The following AVL9 variants were observed in gnomAD, a reference collection of about 807,000 sequenced individuals.
AVL9 encodes the protein AVL9 cell migration associated, also known as late secretory pathway protein AVL9 homolog.
Under a neutral mutation model 79.2 loss-of-function variants are expected in AVL9, and 49 were observed. The ratio of observed to expected loss-of-function variants is 0.62; its 90% CI spans 0.49 to 0.79. The LOEUF is 0.79. Among genes scored for constraint, AVL9 ranks in the 30% least tolerant of loss-of-function variants. The pLI is 0.00. For synonymous variants in AVL9, 299 were observed against 280.6 expected (o/e 1.07, Z -0.65); for missense variants, 682 against 776.8 (o/e 0.88, Z 1.45).
At chr7:32,524,074 C>A (rs564817321) in intron 1 of AVL9, among the ~76,000 whole-genome samples, 2 of 151,066 alleles carry the variant, frequency 1.3e-5, no homozygotes, top group South Asian at 2.1e-4. Flanking sequence ...GTCTCAAACT[C>A]CTAACTTCAA....
chr7:32,503,445 C>G (rs1192787512), intron 1 of AVL9, among the ~76,000 whole-genome samples: 1 of 145,214 alleles, frequency 6.9e-6, no homozygotes. Flanking sequence ...GTAGTCCCAG[C>G]TACTCGGGAG....
At chr7:32,529,702 A>G (rs757800781) in intron 1 of AVL9, among the ~76,000 whole-genome samples, 4 of 152,172 alleles carry the variant, frequency 2.6e-5, no homozygotes, top group Non-Finnish European at 5.9e-5. Context: ...ATTTTTAAGC[A>G]TTTTCTTAAA....
intron 1 of AVL9, among the ~76,000 whole-genome samples, chr7:32,514,841 T>C (rs562846416): frequency 6.6e-6 from 1 of 152,308 alleles, no homozygotes; most frequent in South Asian, 2.1e-4. Context: ...ACTGACTCTC[T>C]TTTCGGACTC....
chr7:32,524,164 G>T (rs1788299510), intron 1 of AVL9, among the ~76,000 whole-genome samples: 2 of 151,964 alleles, frequency 1.3e-5, no homozygotes, highest in Non-Finnish European at 2.9e-5. Context: ...TGAAATTTGA[G>T]ATGTTTAAAC....
rs1554348047 is a variant in AVL9, at chr7:32,579,472, T to TA, written c.1689-747_1689-746insA. Among the ~76,000 whole-genome samples, 8 of 4,924 alleles carry TA rather than the reference T, an allele frequency of 1.6e-3. 1 individual carries two copies. The highest frequency in any genetic ancestry group is 8.9e-3 in the East Asian group (2 of 224). 3.2% of individuals were successfully genotyped at this position (4,924 alleles called of 152,430 possible). On this transcript the variant is annotated intron_variant, in intron 13 of 15. Transcript: ENST00000318709. ...TATATTATATATTATATATAATATATTATATTATATATAATATATTACATA... is the reference window on the plus strand; with the variant it reads ...TATATTATATATTATATATAATATATATATATTATATATAATATATTACATA...
At chr7:32,559,685 A>G (rs1347581723) in intron 10 of AVL9, among the ~76,000 whole-genome samples, 1 of 152,194 alleles carries the variant, frequency 6.6e-6, no homozygotes. Flanking sequence ...TTTGAAACTT[A>G]GTAGATATGA....
intron 15 of AVL9, among the ~76,000 whole-genome samples, chr7:32,582,898 T>C (rs1791577903): frequency 6.6e-6 from 1 of 152,180 alleles, no homozygotes; most frequent in African/African-American, 2.4e-5. Flanking sequence ...TTTCCCAGGC[T>C]GTCTCGAATT....
chr7:32,509,259 C>G (rs961687659), intron 1 of AVL9, among the ~76,000 whole-genome samples: 2 of 152,058 alleles, frequency 1.3e-5, no homozygotes, highest in East Asian at 3.9e-4. Context: ...TGGCAAGATT[C>G]TGGAATTCTA....
At chr7:32,521,256 C>G in intron 1 of AVL9, among the ~76,000 whole-genome samples, 1 of 152,166 alleles carries the variant, frequency 6.6e-6, no homozygotes, top group East Asian at 1.9e-4. Context: ...GAGGTTGGAA[C>G]AGTTTGGAGG....
intron 3 of AVL9, among the ~76,000 whole-genome samples, chr7:32,546,695 C>T (rs751029322): frequency 2.0e-5 from 3 of 151,894 alleles, no homozygotes; most frequent in East Asian, 1.9e-4. Context: ...TGGCAGCGCA[C>T]GCCTGTAGTC....
chr7:32,503,359 GAGAT>G lies in AVL9; in HGVS notation c.93+7559_93+7562del, dbSNP rs199588358. Among the ~76,000 whole-genome samples the G allele has an allele frequency of 6.1e-3, 542 of 88,394 alleles. 10 individuals carry two copies. The highest frequency in any genetic ancestry group is 0.024 in the African/African-American group (517 of 21,802). The allele number at this position is 88,394 out of a possible 152,430, so 58.0% of individuals were successfully genotyped here. A position where few individuals can be genotyped will look rare whatever the true frequency, so the allele number is the denominator to read the frequency against. On this transcript the variant is annotated intron_variant, in intron 1 of 15. Transcript: ENST00000318709. ...CTATATATATAGATATAGATATAGA[GAGAT>G]ATATATATATACACACACACACACA...
chr7:32,558,763 T>C (rs1325302328), intron 9 of AVL9, 135 bp downstream of exon 9: 2 of 975,698 alleles, frequency 2.0e-6, no homozygotes, highest in East Asian at 2.7e-5. Context: ...CTTTTGGAAA[T>C]AGGTTTCTCT....
intron 1 of AVL9, among the ~76,000 whole-genome samples, chr7:32,512,988 C>T (rs1230057683): frequency 2.0e-5 from 2 of 101,154 alleles, no homozygotes. Flanking sequence ...GATAACTGTG[C>T]ACGCCTGAGG....
At chr7:32,533,986 TTTCTC>T in intron 1 of AVL9, 1 of 152,326 alleles carries the variant, frequency 6.6e-6, no homozygotes, top group East Asian at 1.9e-4. Context: ...GTTTTCTTGT[TTTCTC>T]AGTCTTTTTT....
intron 1 of AVL9, among the ~76,000 whole-genome samples, chr7:32,514,039 C>G (rs940340135): frequency 6.6e-6 from 1 of 152,240 alleles, no homozygotes; most frequent in African/African-American, 2.4e-5. Context: ...TTTCTCCTAT[C>G]TCAGAATAGA....
In AVL9 at chr7:32,583,737, G is replaced by C. The variant is rs985009976; in HGVS notation, c.1832-55G>C. ...GTATTAATTATGTTGGTCTTTCACT[G>C]TCTCGTAACAAAAGTTAAGACATTT... On this transcript the variant is annotated intron_variant, in intron 15 of 15. Transcript: ENST00000318709. 25 of 1,139,882 alleles carry C rather than the reference G, an allele frequency of 2.2e-5. No individual in the cohort carries two copies. The East Asian group carries it at 6.0e-4, about 27-fold the overall frequency. The allele number at this position is 1,139,882 out of a possible 1,614,324, so 70.6% of individuals were successfully genotyped here.
At chr7:32,569,414 T>C (rs1436888295) in intron 10 of AVL9, among the ~76,000 whole-genome samples, 2 of 152,224 alleles carry the variant, frequency 1.3e-5, no homozygotes, top group Non-Finnish European at 2.9e-5. Context: ...AATTCCACTG[T>C]AATTTTTGGA....
chr7:32,558,688 TTA>T (rs1790192706), intron 9 of AVL9, 60 bp downstream of exon 9: 1 of 1,391,018 alleles, frequency 7.2e-7, no homozygotes, highest in Non-Finnish European at 9.9e-7. Context: ...ACCTAAACTT[TTA>T]GAAATAAAGT....
At chr7:32,496,677 A>G (rs557339841) in intron 1 of AVL9, among the ~76,000 whole-genome samples, 11 of 152,358 alleles carry the variant, frequency 7.2e-5, no homozygotes, top group African/African-American at 2.6e-4. Flanking sequence ...AAAAATAGTA[A>G]TTGCCACCAC....
Sources: gnomAD v4.1 joint callset for allele counts (sites outside exome capture counted in the v4.1 genomes callset) on GRCh38, gnomAD v4.1.1 for gene constraint, MANE v1.5 for transcripts, NCBI Gene and HGNC (gene_info 2026-07-23, HGNC 2026-07-21) for gene names.